ANKRD55: variants seen among roughly 807,000 people sequenced by gnomAD.
ANKRD55 encodes the protein ankyrin repeat domain 55, also known as ankyrin repeat domain-containing protein 55.
ANKRD55 carries 41 observed loss-of-function variants against 60.6 expected under a neutral mutation model. The observed-to-expected ratio is 0.68, with a 90% CI of 0.53 to 0.88. The LOEUF (loss-of-function observed/expected upper bound fraction) is 0.88. Ranked by LOEUF, ANKRD55 falls within the 40% of genes least tolerant of loss-of-function variation. The pLI is 0.00. For synonymous variants in ANKRD55, 264 were observed against 290.3 expected (o/e 0.91, Z 0.92); for missense variants, 732 against 767.6 (o/e 0.95, Z 0.55).
chr5:56,117,059 A>T, intron 8 of ANKRD55: 1 of 273,642 alleles, frequency 3.7e-6, no homozygotes, highest in South Asian at 8.9e-5. Flanking sequence ...GGGTATGAAC[A>T]GTTTTGAGGT....
chr5:56,185,008 G>T (rs1561284649), intron 2 of ANKRD55, among the ~76,000 whole-genome samples: 1 of 151,998 alleles, frequency 6.6e-6, no homozygotes, highest in Non-Finnish European at 1.5e-5. Context: ...ATCACTTGAG[G>T]TCAGGAGTTC....
chr5:56,103,919 C>G (rs765882365), intron 10 of ANKRD55, among the ~76,000 whole-genome samples: 4 of 152,180 alleles, frequency 2.6e-5, no homozygotes, highest in Non-Finnish European at 5.9e-5. Context: ...TGTGCAGAAG[C>G]GGCCACCTCA....
At chr5:56,126,798 C>T (rs1757272576) in intron 8 of ANKRD55, 124 bp downstream of exon 8, 1 of 1,051,156 alleles carries the variant, frequency 9.5e-7, no homozygotes, top group Non-Finnish European at 1.3e-6. Flanking sequence ...GTCACAAGCC[C>T]ATGTGTATTA....
intron 5 of ANKRD55, chr5:56,160,756 G>C (rs1365425376): frequency 1.3e-5 from 2 of 152,196 alleles, no homozygotes; most frequent in African/African-American, 4.8e-5. Flanking sequence ...GTGTAAAACA[G>C]CTATCAATGA....
intron 10 of ANKRD55, among the ~76,000 whole-genome samples, chr5:56,105,466 GA>G (rs1358916547): frequency 6.6e-6 from 1 of 152,202 alleles, no homozygotes; most frequent in African/African-American, 2.4e-5. Context: ...ACATATTATA[GA>G]AGGTGAGTTT....
At chr5:56,162,008 T>C in intron 5 of ANKRD55, 2 of 985,464 alleles carry the variant, frequency 2.0e-6, no homozygotes, top group Non-Finnish European at 2.4e-6. Flanking sequence ...CCTTTCTTTC[T>C]TTCCTTTCTG....
rs16884851 is a variant in ANKRD55, at chr5:56,139,657, G to A, written c.612+4144C>T. Among the ~76,000 whole-genome samples the A allele has an allele frequency of 2.0e-3, 311 of 152,264 alleles. 2 individuals carry two copies. The highest frequency in any genetic ancestry group is 7.0e-3 in the African/African-American group (292 of 41,534). On this transcript the variant is annotated intron_variant, in intron 7 of 11. Transcript: ENST00000341048. ...CCAGTGTGATTAGAGCCAAGATTACGTGAGCTTGAGAGGAAAGGTCAGGGG... is the reference window on the plus strand; with the variant it reads ...CCAGTGTGATTAGAGCCAAGATTACATGAGCTTGAGAGGAAAGGTCAGGGG...
chr5:56,187,821 G>T (rs548518669), intron 2 of ANKRD55, among the ~76,000 whole-genome samples: 5 of 152,190 alleles, frequency 3.3e-5, no homozygotes, highest in African/African-American at 1.2e-4. Context: ...CTTGGAATAC[G>T]TGAGGCCAAG....
chr5:56,228,427 C>CTT (rs112399991), intron 2 of ANKRD55, among the ~76,000 whole-genome samples: 14 of 137,676 alleles, frequency 1.0e-4, no homozygotes, highest in East Asian at 4.2e-4. Context: ...CCCCAGCTGA[C>CTT]TTTTTTTTTT....
At position 56,176,216 on chromosome 5, in the gene ANKRD55, A is replaced by G. The variant is rs377144194; in HGVS notation, c.248T>C (p.Met83Thr). Residue 83 changes from methionine to threonine, a missense_variant, in exon 4 of 12, where the codon ATG becomes ACG. Physicochemically the swap from Met to Thr is moderately conservative, Grantham distance 81. This residue lies in a region of ANKRD55 where 131 missense variants were observed against 142.7 expected (regional missense o/e 0.92). Transcript: ENST00000341048. ...ATCCTGCATGTTAATATTGGCTCCCATCTTCAACAGCAGCTTCACTGTGTC... is the reference window on the plus strand; with the variant it reads ...ATCCTGCATGTTAATATTGGCTCCCGTCTTCAACAGCAGCTTCACTGTGTC... ...QADTVKLLLKMGANINMQDAY... is the reference protein window; with the variant it reads ...QADTVKLLLKTGANINMQDAY... The G allele has an allele frequency of 1.9e-6, 3 of 1,614,114 alleles. No individual in the cohort carries two copies. The highest frequency in any genetic ancestry group is 2.7e-5 in the African/African-American group (2 of 74,944).
At chr5:56,143,716 C>A in intron 7 of ANKRD55, 85 bp downstream of exon 7, 4 of 1,573,344 alleles carry the variant, frequency 2.5e-6, no homozygotes, top group Non-Finnish European at 2.6e-6. Flanking sequence ...AAACCTCCAT[C>A]TTTAAAGTTT....
intron 2 of ANKRD55, among the ~76,000 whole-genome samples, chr5:56,191,653 A>G (rs145107552): frequency 7.2e-5 from 11 of 152,306 alleles, no homozygotes; most frequent in African/African-American, 2.4e-4. Flanking sequence ...GTCACTGAAG[A>G]TGACCTCTCT....
At chr5:56,106,941 G>A (rs1756499956) in intron 10 of ANKRD55, among the ~76,000 whole-genome samples, 1 of 149,486 alleles carries the variant, frequency 6.7e-6, no homozygotes, top group Non-Finnish European at 1.5e-5. Context: ...AAGCCCAGGA[G>A]TTTGAGGCTG....
At chr5:56,188,794 G>A (rs115707184) in intron 2 of ANKRD55, among the ~76,000 whole-genome samples, 8,380 of 152,158 alleles carry the variant, frequency 0.055, 799 homozygotes, top group African/African-American at 0.19. Context: ...TTGTGTATTC[G>A]TTTGGATTTT....
intron 11 of ANKRD55, among the ~76,000 whole-genome samples, chr5:56,102,192 GCCTGGCCAACATGGCAAAACCC>G (rs1756301691): frequency 6.6e-6 from 1 of 151,924 alleles, no homozygotes; most frequent in Non-Finnish European, 1.5e-5. Flanking sequence ...TTGGAAACCA[GCCTGGCCAACATGGCAAAACCC>G]CATCTCTACT....
chr5:56,229,568 A>T (rs1760198152), intron 2 of ANKRD55, among the ~76,000 whole-genome samples: 1 of 152,320 alleles, frequency 6.6e-6, no homozygotes, highest in Middle Eastern at 3.4e-3. Flanking sequence ...AGTTCATGTA[A>T]CTAGGAAGAG....
Position 56,111,776 on chromosome 5 carries a change from C to G in ANKRD55, c.972G>C (p.Glu324Asp). 1 of 1,506,672 alleles carries G rather than the reference C, an allele frequency of 6.6e-7. No individual in the cohort carries two copies. The highest frequency in any genetic ancestry group is 1.4e-5 in the South Asian group (1 of 70,814). 93.3% of individuals were successfully genotyped at this position (1,506,672 alleles called of 1,614,324 possible). The change falls in exon 10 of 12, where the codon GAG becomes GAC. Residue 324 changes from glutamate (E) to aspartate (D), a missense_variant. Around this residue, in one of 3 missense-constraint regions of ANKRD55, gnomAD observed 597 missense variants for 607.5 expected, o/e 0.98. Transcript: ENST00000341048. ...VKLLSQESRT[E>D]PTRPPPSQSS... ...TCTGGGAGGGAGGGGGTCGAGTAGG[C>G]TCTGTTCTATGCGAATATAAAAGAG...
chr5:56,212,050 AC>A (rs1251399659), intron 2 of ANKRD55, among the ~76,000 whole-genome samples: 36 of 57,332 alleles, frequency 6.3e-4, no homozygotes, highest in African/African-American at 4.4e-3. Flanking sequence ...ACTGGTAAAG[AC>A]ACACACACAC....
chr5:56,100,262 G>A lies in ANKRD55; in HGVS notation c.1766C>T (p.Ala589Val). 6.2e-7 allele frequency: 1 copy of A among 1,614,150 alleles called. No individual in the cohort carries two copies. The highest frequency in any genetic ancestry group is 8.5e-7 in the Non-Finnish European group (1 of 1,180,014). The change falls in exon 12 of 12, where the codon GCA becomes GTA. Residue 589 changes from alanine (A) to valine (V), a missense_variant. Coordinates refer to ENST00000341048, the MANE Select transcript of ANKRD55 (RefSeq NM_024669.3). ...EPLRTNRVLP[A>V]IPSQRRHSTA... ...GCTGTGTCTTCGTTGACTTGGAATT[G>A]CAGGAAGCACTCGGTTTGTCCGCAG... is the stretch of plus-strand genomic sequence containing the variant.
Sources: allele counts gnomAD v4.1 joint callset (sites outside exome capture counted in the v4.1 genomes callset), GRCh38; gene constraint gnomAD v4.1.1; regional missense constraint gnomAD v4.1.1; transcripts MANE v1.5; gene names NCBI Gene and HGNC (gene_info 2026-07-23, HGNC 2026-07-21).